The following WWOX variants were observed in gnomAD, a reference collection of about 807,000 sequenced individuals.
The protein encoded by WWOX is WW domain-containing oxidoreductase.
A neutral mutation model predicts 46.2 loss-of-function variants in WWOX; 69 were observed. The ratio of observed to expected loss-of-function variants is 1.49; its 90% confidence interval spans 1.23 to 1.82. The LOEUF (loss-of-function observed/expected upper bound fraction) is 1.82, where lower values mean the gene tolerates loss of function less well. Ranked by LOEUF, WWOX falls within the 40% of genes most tolerant of loss-of-function variation. The probability of loss-of-function intolerance (pLI) is 0.00; values close to 1 mark genes in which losing one functional copy is unlikely to be tolerated. For synonymous variants in WWOX, 359 were observed against 202.6 expected (o/e 1.77, Z -6.56); for missense variants, 919 against 542.6 (o/e 1.69, Z -6.89).
intron 8 of WWOX, among the ~76,000 whole-genome samples, chr16:79,094,155 A>C (rs79839452): frequency 1.3e-5 from 2 of 151,964 alleles, no homozygotes; most frequent in Non-Finnish European, 2.9e-5. Context: ...ACAACTGTGC[A>C]TGTAGGGTTG....
chr16:78,126,220 A>C (rs1451686126), intron 4 of WWOX, among the ~76,000 whole-genome samples: 1 of 152,122 alleles, frequency 6.6e-6, no homozygotes, highest in East Asian at 1.9e-4. Context: ...TTTGTAATTA[A>C]ATGTTTGTAC....
chr16:78,653,317 AACTC>A (rs1157367174), intron 8 of WWOX, among the ~76,000 whole-genome samples: 1 of 152,234 alleles, frequency 6.6e-6, no homozygotes, highest in Admixed American at 6.5e-5. Flanking sequence ...TTTAAAAAAT[AACTC>A]AGGCTTATTT....
chr16:78,407,015 G>T lies in WWOX; in HGVS notation c.606-17855G>T, dbSNP rs60920271. Among the ~76,000 whole-genome samples, 1,035 of 152,304 alleles carry T rather than the reference G, an allele frequency of 6.8e-3. 10 individuals carry two copies. The highest frequency in any genetic ancestry group is 0.024 in the African/African-American group (999 of 41,564). ...ACATGCTGCATTTTGGGCAGCTGTG[G>T]CCTTGGTGGATTGCTGAAGTAGATT... is the stretch of plus-strand genomic sequence containing the variant. On this transcript the variant is annotated intron_variant, in intron 6 of 8. Transcript: ENST00000566780.
At chr16:78,386,540 T>G (rs2082063832) in intron 5 of WWOX, among the ~76,000 whole-genome samples, 1 of 152,130 alleles carries the variant, frequency 6.6e-6, no homozygotes, top group Non-Finnish European at 1.5e-5. Context: ...TTACAGCGTT[T>G]TAGGATGCAG....
intron 8 of WWOX, among the ~76,000 whole-genome samples, chr16:78,888,087 A>C (rs2044505915): frequency 6.6e-6 from 1 of 152,222 alleles, no homozygotes; most frequent in Non-Finnish European, 1.5e-5. Flanking sequence ...TTTCTTAATG[A>C]ATCATCTTTG....
chr16:78,478,549 C>T lies in WWOX; in HGVS notation c.1056+45797C>T, dbSNP rs111757380. On this transcript the variant is annotated intron_variant, in intron 8 of 8. Coordinates refer to ENST00000566780, the MANE Select transcript of WWOX (RefSeq NM_016373.4). ...GGCTTGGCAGCCTACTCTCCTCTCT[C>T]GAAGCTCCATGCCCACCTTGCTGTT... Among the ~76,000 whole-genome samples the T allele has an allele frequency of 2.8e-3, 432 of 151,940 alleles. 3 individuals carry two copies. The highest frequency in any genetic ancestry group is 9.7e-3 in the African/African-American group (400 of 41,350).
intron 8 of WWOX, among the ~76,000 whole-genome samples, chr16:78,697,259 G>T (rs994774052): frequency 6.6e-6 from 1 of 152,196 alleles, no homozygotes; most frequent in African/African-American, 2.4e-5. Flanking sequence ...CATAGTGGTT[G>T]TACTAGTTTA....
chr16:78,326,590 G>T (rs7191828), intron 5 of WWOX, among the ~76,000 whole-genome samples: 1 of 23,654 alleles, frequency 4.2e-5, no homozygotes, highest in Admixed American at 6.0e-4. Flanking sequence ...CCCCCCCCCC[G>T]CAATGCCTCA....
intron 5 of WWOX, among the ~76,000 whole-genome samples, chr16:78,195,624 C>G (rs1300481417): frequency 6.6e-6 from 1 of 151,860 alleles, no homozygotes; most frequent in African/African-American, 2.4e-5. Context: ...GAGTTTGAGA[C>G]CAGCCTGAGC....
At chr16:78,788,182 G>A (rs997845886) in intron 8 of WWOX, among the ~76,000 whole-genome samples, 4 of 152,094 alleles carry the variant, frequency 2.6e-5, no homozygotes, top group African/African-American at 4.8e-5. Flanking sequence ...GGATGTTGTT[G>A]CTTCTGTTTT....
At chr16:78,605,958 T>A (rs2045746703) in intron 8 of WWOX, among the ~76,000 whole-genome samples, 1 of 152,236 alleles carries the variant, frequency 6.6e-6, no homozygotes, top group African/African-American at 2.4e-5. Context: ...ACTCAGCATC[T>A]GAATTGAATG....
chr16:78,890,198 G>T (rs1429546208), intron 8 of WWOX: 1 of 152,144 alleles, frequency 6.6e-6, no homozygotes, highest in East Asian at 1.9e-4. Context: ...TTTTGTAAAT[G>T]AGGCACATCT....
chr16:78,712,809 A>G (rs1263730536), intron 8 of WWOX, among the ~76,000 whole-genome samples: 4 of 152,214 alleles, frequency 2.6e-5, no homozygotes, highest in Admixed American at 1.3e-4. Context: ...TGTTAGAGTA[A>G]TAGCGTAAAT....
At chr16:78,957,114 A>C (rs1310909756) in intron 8 of WWOX, among the ~76,000 whole-genome samples, 1 of 152,144 alleles carries the variant, frequency 6.6e-6, no homozygotes, top group Non-Finnish European at 1.5e-5. Context: ...AAACGCTCCC[A>C]CTTTATATGC....
At chr16:79,134,010 C>G (rs1489845094) in intron 8 of WWOX, among the ~76,000 whole-genome samples, 4 of 152,050 alleles carry the variant, frequency 2.6e-5, no homozygotes, top group Non-Finnish European at 4.4e-5. Flanking sequence ...GCTGGACTAT[C>G]TAAGCAAGCA....
intron 5 of WWOX, among the ~76,000 whole-genome samples, chr16:78,301,146 C>A (rs546155226): frequency 3.9e-5 from 6 of 152,306 alleles, no homozygotes; most frequent in Admixed American, 2.6e-4. Flanking sequence ...TCACAACTAT[C>A]ATCATTATCA....
intron 8 of WWOX, among the ~76,000 whole-genome samples, chr16:78,480,001 G>C (rs1360521957): frequency 6.6e-6 from 1 of 152,194 alleles, no homozygotes; most frequent in East Asian, 1.9e-4. Context: ...ACTCAGGCTA[G>C]CTTGTTCTCA....
intron 8 of WWOX, among the ~76,000 whole-genome samples, chr16:78,745,168 G>A (rs2049319490): frequency 6.6e-6 from 1 of 152,190 alleles, no homozygotes; most frequent in Non-Finnish European, 1.5e-5. Context: ...GTGAAAGCCA[G>A]TGTCCCTTCA....
At chr16:78,214,501 T>C (rs1043927158) in intron 5 of WWOX, among the ~76,000 whole-genome samples, 5 of 152,130 alleles carry the variant, frequency 3.3e-5, no homozygotes, top group Middle Eastern at 3.2e-3. Context: ...CCAAGTCTGA[T>C]CTCCTCCCGA....
Sources: allele counts gnomAD v4.1 joint callset (sites outside exome capture counted in the v4.1 genomes callset), GRCh38; gene constraint gnomAD v4.1.1; transcripts MANE v1.5; gene names NCBI Gene and HGNC (gene_info 2026-07-23, HGNC 2026-07-21).